Variants in TUT7 observed in about 807,000 individuals in gnomAD.
TUT7 encodes terminal uridylyltransferase 7.
A neutral mutation model predicts 165.9 loss-of-function variants in TUT7; 33 were observed. That is an observed-to-expected ratio of 0.20 (90% CI 0.15 to 0.27). The LOEUF (loss-of-function observed/expected upper bound fraction) is 0.27. Among genes scored for constraint, TUT7 ranks in the 10% least tolerant of loss-of-function variants. The probability of loss-of-function intolerance (pLI) is 1.00; values close to 1 mark genes in which losing one functional copy is unlikely to be tolerated. For synonymous variants in TUT7, 552 were observed against 608.1 expected (o/e 0.91, Z 1.36); for missense variants, 1,338 against 1,762.3 (o/e 0.76, Z 4.31).
chr9:86,346,540 G>T, intron 2 of TUT7, 60 bp from the exon 3 acceptor site: 1 of 1,515,778 alleles, frequency 6.6e-7, no homozygotes, highest in African/African-American at 1.4e-5. Flanking sequence ...TGAGTAAAAA[G>T]CAGACCTTAC....
At chr9:86,333,079 AATATT>A (rs1471095054) in intron 10 of TUT7, among the ~76,000 whole-genome samples, 2 of 152,042 alleles carry the variant, frequency 1.3e-5, no homozygotes, top group Admixed American at 6.6e-5. Context: ...AGACATTGTA[AATATT>A]ATATTATTAA....
At chr9:86,302,048 C>A (rs1587862708) in intron 25 of TUT7, among the ~76,000 whole-genome samples, 1 of 152,306 alleles carries the variant, frequency 6.6e-6, no homozygotes, top group South Asian at 2.1e-4. Context: ...ATGTCAAAAT[C>A]ATTTCTCCCT....
chr9:86,353,758 G>A (rs1438941066), intron 1 of TUT7, among the ~76,000 whole-genome samples: 1 of 152,158 alleles, frequency 6.6e-6, no homozygotes, highest in Non-Finnish European at 1.5e-5. Context: ...GGCTTTGAGC[G>A]CTTAGGTTAC....
chr9:86,340,394 G>A (rs916963939), intron 7 of TUT7, among the ~76,000 whole-genome samples: 1 of 152,156 alleles, frequency 6.6e-6, no homozygotes, highest in African/African-American at 2.4e-5. Context: ...AGAAATATAG[G>A]TAATACATTT....
chr9:86,340,330 A>T (rs541546593), intron 7 of TUT7, among the ~76,000 whole-genome samples: 1 of 152,256 alleles, frequency 6.6e-6, no homozygotes, highest in Non-Finnish European at 1.5e-5. Context: ...ATGTTTCATT[A>T]TAAGTGACTA....
chr9:86,328,625 G>A, intron 10 of TUT7, 133 bp from the exon 11 acceptor site: 1 of 638,404 alleles, frequency 1.6e-6, no homozygotes, highest in Non-Finnish European at 2.4e-6. Context: ...GACTATCACA[G>A]AGACATCTAT....
At position 86,308,337 on chromosome 9, in the gene TUT7, G is replaced by A. The variant is rs554887927; in HGVS notation, c.3838+92C>T. 6.7e-5 allele frequency: 80 copies of A among 1,193,562 alleles called. No homozygotes were observed. In the African/African-American group the frequency reaches 1.1e-3, roughly 17 times the overall value. 73.9% of individuals were successfully genotyped at this position (1,193,562 alleles called of 1,614,324 possible). ...GAGACTGGGGCACTGCACACCCCAA[G>A]CAGCTGGAAGAGCTCTGCAAGGAGG... On this transcript the variant is annotated intron_variant, in intron 22 of 26. Transcript: ENST00000375963.
In TUT7 at chr9:86,288,477, A is replaced by G. The variant is rs1825682061; in HGVS notation, c.*200T>C. 7.4e-6 allele frequency: 3 copies of G among 404,300 alleles called. No homozygotes were observed. The highest frequency in any genetic ancestry group is 3.9e-5 in the Admixed American group (1 of 25,688). The allele number at this position is 404,300 out of a possible 1,614,324, so 25.0% of individuals were successfully genotyped here. A position where few individuals can be genotyped will look rare whatever the true frequency, so the allele number is the denominator to read the frequency against. On this transcript the variant is annotated 3_prime_UTR_variant, in exon 27 of 27. Transcript: ENST00000375963. ...TCTTTCTATTAAAATCCTTAAATCT[A>G]TGGGGATGTGTGGTAGATAAGACTA...
Position 86,328,369 on chromosome 9 carries a change from G to GTGCCTC in TUT7, c.1573_1578dup (p.Glu525_Ala526dup), listed in dbSNP as rs1564074161. 6.2e-7 allele frequency: 1 copy of GTGCCTC among 1,604,556 alleles called. No homozygotes were observed. On this transcript the variant is annotated inframe_insertion, in exon 11 of 27. Transcript: ENST00000375963. ...CCCCTTTTAATCGGCGTTTCTCTTG[G>GTGCCTC]TGCCTCTTCTTTTGTTATGCCTGTG...
At chr9:86,332,263 C>T (rs1028664517) in intron 10 of TUT7, among the ~76,000 whole-genome samples, 1 of 152,098 alleles carries the variant, frequency 6.6e-6, no homozygotes, top group African/African-American at 2.4e-5. Context: ...GCACTATTCA[C>T]AATAGCAAAG....
intron 5 of TUT7, among the ~76,000 whole-genome samples, 170 bp from the exon 6 acceptor site, chr9:86,343,333 C>G (rs1275561670): frequency 6.6e-6 from 1 of 152,126 alleles, no homozygotes; most frequent in African/African-American, 2.4e-5. Context: ...GCTCTTTGCT[C>G]TTCACTTAAT....
chr9:86,336,230 G>A (rs148212847), intron 10 of TUT7, among the ~76,000 whole-genome samples: 1 of 152,154 alleles, frequency 6.6e-6, no homozygotes, highest in African/African-American at 2.4e-5. Flanking sequence ...AGATCAAGGT[G>A]AAAGGAAAAC....
chr9:86,313,637 C>T (rs1828436276), intron 17 of TUT7, among the ~76,000 whole-genome samples: 1 of 152,172 alleles, frequency 6.6e-6, no homozygotes, highest in African/African-American at 2.4e-5. Flanking sequence ...CCAACTTATA[C>T]TGAACCTAGT....
intron 6 of TUT7, among the ~76,000 whole-genome samples, chr9:86,341,376 C>G (rs1024212768): frequency 3.9e-5 from 6 of 152,222 alleles, no homozygotes; most frequent in Non-Finnish European, 8.8e-5. Context: ...ACCTTTCACT[C>G]TAATACCATT....
intron 12 of TUT7, 98 bp downstream of exon 12, chr9:86,325,236 T>G: frequency 8.6e-7 from 1 of 1,163,076 alleles, no homozygotes. Context: ...CTACCTTACT[T>G]GTAGGAGCTG....
In TUT7 at chr9:86,323,434, A is replaced by C. The variant is rs762472970; in HGVS notation, c.2316T>G (p.His772Gln). ...TATTACGTGTGCTGCCACAGACAAC[A>C]TGCTCTCCACGTTTCTGATCAACAG... ...LLTVDQKRGE[H>Q]VVCGSTRNNE... The change falls in exon 13 of 27, where the codon CAT becomes CAG. Residue 772 changes from histidine to glutamine, a missense_variant. Coordinates refer to ENST00000375963, the MANE Select transcript of TUT7 (RefSeq NM_024617.4). 10 of 1,614,248 alleles carry C rather than the reference A, an allele frequency of 6.2e-6. No homozygotes were observed. The South Asian group carries it at 1.1e-4, about 18-fold the overall frequency.
chr9:86,351,866 C>T (rs1832332546), intron 2 of TUT7, among the ~76,000 whole-genome samples: 1 of 152,082 alleles, frequency 6.6e-6, no homozygotes, highest in African/African-American at 2.4e-5. Flanking sequence ...TCATTTTTTC[C>T]ATCCAATTTG....
At chr9:86,328,979 T>C (rs1830060090) in intron 10 of TUT7, among the ~76,000 whole-genome samples, 1 of 152,220 alleles carries the variant, frequency 6.6e-6, no homozygotes, top group Non-Finnish European at 1.5e-5. Flanking sequence ...ACATAGTAAC[T>C]GCTTAATAAA....
At chr9:86,318,001 T>C (rs1486669965) in intron 16 of TUT7, among the ~76,000 whole-genome samples, 1 of 152,208 alleles carries the variant, frequency 6.6e-6, no homozygotes, top group Non-Finnish European at 1.5e-5. Context: ...CTTGCTTATA[T>C]ACTTTATTCA....
Sources: gnomAD v4.1 joint callset for allele counts (sites outside exome capture counted in the v4.1 genomes callset) on GRCh38, gnomAD v4.1.1 for gene constraint, MANE v1.5 for transcripts, NCBI Gene and HGNC (gene_info 2026-07-23, HGNC 2026-07-21) for gene names.